The following ANKFN1 variants were observed in gnomAD, a reference collection of about 807,000 sequenced individuals.
The protein encoded by ANKFN1 is ankyrin repeat and fibronectin type III domain containing 1, also known as ankyrin repeat and fibronectin type-III domain-containing protein 1.
ANKFN1 carries 74 observed loss-of-function variants against 108.7 expected under a neutral mutation model. The observed-to-expected ratio is 0.68, with a 90% CI of 0.56 to 0.83. ANKFN1 has a LOEUF of 0.83. Among genes scored for constraint, ANKFN1 ranks in the 40% least tolerant of loss-of-function variants. The pLI is 0.00. For missense variants in ANKFN1, 1,505 were observed against 1,382.3 expected (o/e 1.09, Z -1.41); for synonymous variants, 547 against 516.2 (o/e 1.06, Z -0.81).
chr17:56,169,557 C>T (rs1298593589), intron 1 of ANKFN1, among the ~76,000 whole-genome samples: 14 of 152,122 alleles, frequency 9.2e-5, no homozygotes, highest in Admixed American at 6.5e-4. Flanking sequence ...GCATGAGCAA[C>T]GAAGCCCAGC....
At chr17:56,271,641 C>A (rs1218822271) in intron 3 of ANKFN1, among the ~76,000 whole-genome samples, 1 of 152,132 alleles carries the variant, frequency 6.6e-6, no homozygotes, top group Non-Finnish European at 1.5e-5. Context: ...TGAGGGTGAC[C>A]AGGAAGGGCA....
chr17:56,499,395 C>G (rs2051297796), intron 20 of ANKFN1, among the ~76,000 whole-genome samples: 1 of 152,118 alleles, frequency 6.6e-6, no homozygotes, highest in Non-Finnish European at 1.5e-5. Context: ...AAGATGCAGA[C>G]TGGGGACCAC....
intron 4 of ANKFN1, among the ~76,000 whole-genome samples, chr17:56,141,753 G>C (rs142728094): frequency 2.4e-4 from 37 of 152,162 alleles, no homozygotes; most frequent in Non-Finnish European, 4.3e-4. Context: ...TCACCCTGAT[G>C]CTGTGACCTC....
chr17:56,510,200 T>C (rs1029263544), intron 20 of ANKFN1, among the ~76,000 whole-genome samples: 2 of 152,226 alleles, frequency 1.3e-5, no homozygotes, highest in Non-Finnish European at 2.9e-5. Flanking sequence ...AAGGTTCCTC[T>C]ACTTCTATCT....
At chr17:56,376,147 C>T (rs1315465967) in intron 8 of ANKFN1, among the ~76,000 whole-genome samples, 1 of 152,164 alleles carries the variant, frequency 6.6e-6, no homozygotes, top group Non-Finnish European at 1.5e-5. Flanking sequence ...CAAACATGTT[C>T]AAGTAGTGCA....
chr17:56,351,310 A>G (rs1194838927), intron 5 of ANKFN1, among the ~76,000 whole-genome samples: 1 of 152,154 alleles, frequency 6.6e-6, no homozygotes, highest in African/African-American at 2.4e-5. Context: ...TGTTCATTCA[A>G]ATAATGATAT....
intron 4 of ANKFN1, among the ~76,000 whole-genome samples, chr17:56,071,291 A>G (rs1233307973): frequency 1.3e-5 from 2 of 152,130 alleles, no homozygotes; most frequent in African/African-American, 2.4e-5. Context: ...ATTTACCAGG[A>G]AAGTTCAGGT....
At chr17:56,084,949 C>G (rs1449799461) in intron 4 of ANKFN1, among the ~76,000 whole-genome samples, 1 of 150,712 alleles carries the variant, frequency 6.6e-6, no homozygotes, top group Non-Finnish European at 1.5e-5. Context: ...AGCCTCAGAC[C>G]CAGGGCAGAC....
rs1332315229 is a variant in ANKFN1, at chr17:56,516,429, CTT to C, written c.*5161_*5162del. Reference sequence around the variant, plus strand: ...GTTACTTGTTCAGAATTTATTGTGTCTTATTGCTATGTATGCAACTGAGTGTA... The same window carrying C: ...GTTACTTGTTCAGAATTTATTGTGTCATTGCTATGTATGCAACTGAGTGTA... On this transcript the variant is annotated 3_prime_UTR_variant, in exon 21 of 21. Transcript: ENST00000682825. Among the ~76,000 whole-genome samples, 1 of 152,120 alleles carries C rather than the reference CTT, an allele frequency of 6.6e-6. No individual in the cohort carries two copies. The highest frequency in any genetic ancestry group is 2.4e-5 in the African/African-American group (1 of 41,432).
At chr17:56,055,587 ATG>A (rs1491394855) in intron 4 of ANKFN1, among the ~76,000 whole-genome samples, 2,899 of 106,976 alleles carry the variant, frequency 0.027, 546 homozygotes, top group African/African-American at 0.071. Flanking sequence ...ATATATATAT[ATG>A]TATATATACA....
intron 3 of ANKFN1, among the ~76,000 whole-genome samples, chr17:56,322,060 T>C (rs2045384280): frequency 6.6e-6 from 1 of 152,194 alleles, no homozygotes; most frequent in Non-Finnish European, 1.5e-5. Context: ...AAATGGGTTC[T>C]TCAAAGCATT....
At chr17:56,221,245 T>A (rs927498772) in intron 2 of ANKFN1, among the ~76,000 whole-genome samples, 1 of 151,562 alleles carries the variant, frequency 6.6e-6, no homozygotes, top group African/African-American at 2.4e-5. Context: ...ACTTCCATGA[T>A]CCAGTCACCT....
intron 4 of ANKFN1, among the ~76,000 whole-genome samples, chr17:56,126,650 T>C (rs549274543): frequency 1.2e-4 from 19 of 152,308 alleles, no homozygotes; most frequent in African/African-American, 3.6e-4. Context: ...CTGAATGCGC[T>C]GGCAAAGAGG....
intron 3 of ANKFN1, among the ~76,000 whole-genome samples, chr17:56,312,450 T>A (rs1490884973): frequency 6.6e-6 from 1 of 152,200 alleles, no homozygotes; most frequent in Non-Finnish European, 1.5e-5. Flanking sequence ...ATTCTCCCAG[T>A]ACCTCCTTTC....
At chr17:56,469,891 G>C (rs1449147126) in intron 15 of ANKFN1, among the ~76,000 whole-genome samples, 1 of 151,770 alleles carries the variant, frequency 6.6e-6, no homozygotes, top group African/African-American at 2.4e-5. Flanking sequence ...CCATCACCTA[G>C]ATATTAAGCC....
At chr17:56,197,083 A>T (rs1913583170) in intron 1 of ANKFN1, among the ~76,000 whole-genome samples, 1 of 152,240 alleles carries the variant, frequency 6.6e-6, no homozygotes, top group African/African-American at 2.4e-5. Flanking sequence ...CCATTTAAAC[A>T]TGTAGAGGCT....
At chr17:56,490,948 G>A (rs1167172403) in intron 18 of ANKFN1, among the ~76,000 whole-genome samples, 1 of 151,882 alleles carries the variant, frequency 6.6e-6, no homozygotes, top group African/African-American at 2.4e-5. Context: ...AAAAAAGCAA[G>A]GAAGTAGTAG....
At chr17:56,184,090 C>A (rs1911952383) in intron 1 of ANKFN1, among the ~76,000 whole-genome samples, 1 of 152,178 alleles carries the variant, frequency 6.6e-6, no homozygotes, top group African/African-American at 2.4e-5. Context: ...CTTGAGAAAG[C>A]AGTGGCAGAG....
chr17:56,190,016 T>C (rs1052980801), intron 1 of ANKFN1, among the ~76,000 whole-genome samples: 2 of 149,896 alleles, frequency 1.3e-5, no homozygotes, highest in African/African-American at 4.9e-5. Context: ...AAAAAAGTAT[T>C]CTCTGATGGT....
Sources: allele counts gnomAD v4.1 joint callset (sites outside exome capture counted in the v4.1 genomes callset), GRCh38; gene constraint gnomAD v4.1.1; transcripts MANE v1.5; gene names NCBI Gene and HGNC (gene_info 2026-07-23, HGNC 2026-07-21).